Variants in PLEKHM1 observed in about 807,000 individuals in gnomAD.
PLEKHM1 encodes pleckstrin homology and RUN domain containing M1.
PLEKHM1 carries 28 observed loss-of-function variants against 94.3 expected under a neutral mutation model. The ratio of observed to expected loss-of-function variants is 0.30; its 90% CI spans 0.22 to 0.41. The LOEUF (loss-of-function observed/expected upper bound fraction) is 0.41. PLEKHM1 is among the 10% of genes least tolerant of loss of function. The probability of loss-of-function intolerance (pLI) is 1.00; values close to 1 mark genes in which losing one functional copy is unlikely to be tolerated. For synonymous variants in PLEKHM1, 424 were observed against 581.2 expected (o/e 0.73, Z 3.89); for missense variants, 907 against 1,358.6 (o/e 0.67, Z 5.22).
At chr17:45,466,623 T>C (rs2051329423) in intron 5 of PLEKHM1, among the ~76,000 whole-genome samples, 1 of 152,158 alleles carries the variant, frequency 6.6e-6, no homozygotes. Flanking sequence ...AAAAGAGGAT[T>C]GACTGGCCAA....
intron 6 of PLEKHM1, chr17:45,454,817 G>A (rs192706535): frequency 2.7e-4 from 54 of 200,836 alleles, no homozygotes; most frequent in African/African-American, 1.2e-3. Context: ...CAGAAAACCT[G>A]TTTGAAGAGG....
intron 2 of PLEKHM1, among the ~76,000 whole-genome samples, chr17:45,479,322 A>G (rs995187780): frequency 4.6e-5 from 7 of 152,176 alleles, no homozygotes; most frequent in African/African-American, 1.7e-4. Flanking sequence ...GATCGAGACC[A>G]TCCTGGATAA....
chr17:45,475,934 G>A, intron 3 of PLEKHM1: 1 of 640,366 alleles, frequency 1.6e-6, no homozygotes, highest in Non-Finnish European at 2.8e-6. Flanking sequence ...GATCACTTGA[G>A]CTCAGGAATT....
Position 45,454,105 on chromosome 17 carries a change from C to T in PLEKHM1, c.1747G>A (p.Glu583Lys). The T allele has an allele frequency of 3.7e-6, 6 of 1,614,206 alleles. No homozygotes were observed. The highest frequency in any genetic ancestry group is 1.3e-5 in the African/African-American group (1 of 75,080). Residue 583 changes from glutamate to lysine, a missense_variant, in exon 7 of 12, where the codon GAG becomes AAG. Physicochemically the swap from Glu to Lys is moderately conservative, Grantham distance 56 (BLOSUM62 1). Around this residue, in one of 3 missense-constraint regions of PLEKHM1, gnomAD observed 477 missense variants for 601.5 expected, o/e 0.79. Coordinates refer to ENST00000430334, the MANE Select transcript of PLEKHM1 (RefSeq NM_014798.3). ...CVENCSLLRC[E>K]SVGPAHSDGR... ...TCACTATGGGCTGGCCCCACAGACT[C>T]ACAGCGAAGCAGCGAGCAGTTCTCC...
intron 2 of PLEKHM1, among the ~76,000 whole-genome samples, chr17:45,480,995 G>C (rs1249141009): frequency 6.6e-6 from 1 of 152,196 alleles, no homozygotes; most frequent in Non-Finnish European, 1.5e-5. Context: ...CTGCCAAACT[G>C]TGTGCCAAAG....
chr17:45,454,334 C>A, intron 6 of PLEKHM1, 62 bp from the exon 7 acceptor site: 1 of 1,466,600 alleles, frequency 6.8e-7, no homozygotes, highest in Non-Finnish European at 9.3e-7. Flanking sequence ...CTGCCCAAGG[C>A]AGCCTCTGCT....
At chr17:45,478,966 A>C (rs1440755181) in intron 2 of PLEKHM1, among the ~76,000 whole-genome samples, 1 of 151,938 alleles carries the variant, frequency 6.6e-6, no homozygotes, top group East Asian at 1.9e-4. Context: ...AGTGGAAATA[A>C]TACTTTCTGA....
chr17:45,464,115 G>C (rs887060798), intron 5 of PLEKHM1: 5 of 152,186 alleles, frequency 3.3e-5, no homozygotes, highest in African/African-American at 1.2e-4. Context: ...GAGTTAAACT[G>C]AAACGAACTC....
intron 8 of PLEKHM1, chr17:45,448,183 C>A (rs1266712373): frequency 2.6e-5 from 4 of 152,166 alleles, no homozygotes; most frequent in African/African-American, 9.7e-5. Context: ...GTATCAGGGT[C>A]CTGTAAATAG....
chr17:45,483,650 C>G (rs2052025732), intron 1 of PLEKHM1, among the ~76,000 whole-genome samples: 1 of 152,184 alleles, frequency 6.6e-6, no homozygotes, highest in Non-Finnish European at 1.5e-5. Flanking sequence ...GTTAACAAAA[C>G]CAAGAAAAGT....
rs945798201 is a variant in PLEKHM1 at position 45,483,368 on chromosome 17, C to T, written c.-41-843G>A. On this transcript the variant is annotated intron_variant, in intron 1 of 11. Transcript: ENST00000430334. Reference sequence around the variant, plus strand: ...ATGAGTATGCAGGAAGAGCTGAAGTCAGTGAGTGGTTAAATCCCTCAGGGC... The same window carrying T: ...ATGAGTATGCAGGAAGAGCTGAAGTTAGTGAGTGGTTAAATCCCTCAGGGC... 4.3e-4 allele frequency among the ~76,000 whole-genome samples: 65 copies of T among 150,608 alleles called. 1 individual carries two copies. Among genetic ancestry groups the T allele is most frequent in the Admixed American group, 1.5e-3 (22 of 15,050 alleles).
chr17:45,448,908 T>A, intron 8 of PLEKHM1, among the ~76,000 whole-genome samples: 1 of 152,276 alleles, frequency 6.6e-6, no homozygotes, highest in South Asian at 2.1e-4. Context: ...TATAAAGCAG[T>A]ATGAGTCCTG....
chr17:45,435,045 G>A (rs1170899167), downstream of PLEKHM1, among the ~76,000 whole-genome samples: 1 of 151,762 alleles, frequency 6.6e-6, no homozygotes, highest in Non-Finnish European at 1.5e-5. Flanking sequence ...GCTGGAGAGG[G>A]CCTGAACCCA....
At chr17:45,481,744 T>C (rs965663490) in intron 2 of PLEKHM1, among the ~76,000 whole-genome samples, 2 of 151,164 alleles carry the variant, frequency 1.3e-5, no homozygotes, top group African/African-American at 2.4e-5. Flanking sequence ...GACTCTCCTG[T>C]GGCCAGGACG....
chr17:45,447,157 T>C (rs894407428), intron 8 of PLEKHM1, among the ~76,000 whole-genome samples: 1 of 152,212 alleles, frequency 6.6e-6, no homozygotes, highest in Non-Finnish European at 1.5e-5. Context: ...GGCCCTGTTG[T>C]CCCCTTGAGG....
At chr17:45,457,518 T>G (rs1445035809) in intron 6 of PLEKHM1, among the ~76,000 whole-genome samples, 1 of 148,986 alleles carries the variant, frequency 6.7e-6, no homozygotes, top group Non-Finnish European at 1.5e-5. Context: ...TGAGATCACA[T>G]GATTGCACTC....
rs1200066179 is a variant in PLEKHM1 at position 45,436,806 on chromosome 17, C to G, written c.*1052G>C. ...TGGTGGCTGCATCCACAGGGCAGTT[C>G]CCCCGCACGCCCTGCACAGCTTAGG... is the stretch of plus-strand genomic sequence containing the variant. On this transcript the variant is annotated 3_prime_UTR_variant, in exon 12 of 12. Transcript: ENST00000430334. 1 of 454,008 alleles carries G rather than the reference C, an allele frequency of 2.2e-6. No individual in the cohort carries two copies. 28.1% of individuals were successfully genotyped at this position (454,008 alleles called of 1,614,324 possible).
At position 45,461,711 on chromosome 17, in the gene PLEKHM1, C is replaced by A. The variant is rs55727465; in HGVS notation, c.1309-3272G>T. On this transcript the variant is annotated intron_variant, in intron 5 of 11. Coordinates refer to ENST00000430334, the MANE Select transcript of PLEKHM1 (RefSeq NM_014798.3). The stretch of plus-strand genomic sequence containing the variant: ...TCCTCATTGGCCGCCTCTGTCTCTG[C>A]CGCCCACTTCTGTGCAGGCCCCTGC... Among the ~76,000 whole-genome samples, 1,294 of 152,296 alleles carry A rather than the reference C, an allele frequency of 8.5e-3. 7 individuals are homozygous for A. Among genetic ancestry groups the A allele is most frequent in the South Asian group, 0.021 (101 of 4,832 alleles).
downstream of PLEKHM1, chr17:45,435,793 C>T (rs2050238295): frequency 2.7e-6 from 1 of 370,328 alleles, no homozygotes; most frequent in Admixed American, 3.4e-5. Context: ...AAGCCTTCCC[C>T]CGTGCCAGGG....
Sources: gnomAD v4.1 joint callset for allele counts (sites outside exome capture counted in the v4.1 genomes callset) on GRCh38, gnomAD v4.1.1 for gene constraint, gnomAD v4.1.1 regional missense constraint, MANE v1.5 for transcripts, NCBI Gene and HGNC (gene_info 2026-07-23, HGNC 2026-07-21) for gene names.